The following LGALS3 variants were observed in gnomAD, a reference collection of about 807,000 sequenced individuals.
The protein encoded by LGALS3 is galectin-3.
A neutral mutation model predicts 20.7 loss-of-function variants in LGALS3; 18 were observed. The observed-to-expected ratio is 0.87, with a 90% CI of 0.60 to 1.29. LGALS3 has a LOEUF of 1.29. LGALS3 is among the 50% of genes most tolerant of loss of function. The pLI, the probability that LGALS3 is intolerant of heterozygous loss-of-function variation, is 0.00. For missense variants in LGALS3, 315 were observed against 314.7 expected (o/e 1.00, Z -0.01); for synonymous variants, 112 against 119.6 (o/e 0.94, Z 0.42).
Position 55,131,827 on chromosome 14 carries a change from A to G in LGALS3, c.-5+2527A>G, listed in dbSNP as rs1881240857. Among the ~76,000 whole-genome samples the G allele has an allele frequency of 1.3e-5, 2 of 152,204 alleles. 1 individual carries two copies. The highest frequency in any genetic ancestry group is 2.9e-5 in the Non-Finnish European group (2 of 68,016). Reference sequence around the variant, plus strand: ...CTTGATGCCAGGGAGCTATGATGAGAAAGAAATCCTAGGAAAGGACCAGTT... The same window carrying G: ...CTTGATGCCAGGGAGCTATGATGAGGAAGAAATCCTAGGAAAGGACCAGTT... On this transcript the variant is annotated intron_variant, in intron 1 of 5. Coordinates refer to ENST00000254301, the MANE Select transcript of LGALS3 (RefSeq NM_002306.4).
chr14:55,130,927 G>A (rs923695835), intron 1 of LGALS3, among the ~76,000 whole-genome samples: 1 of 152,160 alleles, frequency 6.6e-6, no homozygotes, highest in Non-Finnish European at 1.5e-5. Context: ...TCCATAAAAG[G>A]TAAAGTTGAA....
At position 55,138,261 on chromosome 14, in the gene LGALS3, T is replaced by C. The variant is rs936688057; in HGVS notation, c.235T>C (p.Tyr79His). 4 of 1,612,918 alleles carry C rather than the reference T, an allele frequency of 2.5e-6. No homozygotes were observed. The highest frequency in any genetic ancestry group is 2.7e-5 in the African/African-American group (2 of 74,902). ...AYPGAPAPGVYPGPPSGPGAY... is the reference protein window; with the variant it reads ...AYPGAPAPGVHPGPPSGPGAY... ...TCCCGGAGCACCTGCACCTGGAGTC[T>C]ACCCAGGGCCACCCAGCGGCCCTGG... The change falls in exon 3 of 6, where the codon TAC becomes CAC. Residue 79 changes from tyrosine (Y) to histidine (H), a missense_variant. Tyr to His is a moderately conservative substitution (Grantham distance 83). Coordinates refer to ENST00000254301, the MANE Select transcript of LGALS3 (RefSeq NM_002306.4).
At chr14:55,133,936 A>G (rs556476034) in intron 1 of LGALS3, among the ~76,000 whole-genome samples, 1 of 152,324 alleles carries the variant, frequency 6.6e-6, no homozygotes, top group African/African-American at 2.4e-5. Context: ...TAACAATTGA[A>G]ACTACCTTTT....
chr14:55,131,095 T>C (rs1178303667), intron 1 of LGALS3, among the ~76,000 whole-genome samples: 1 of 152,202 alleles, frequency 6.6e-6, no homozygotes, highest in African/African-American at 2.4e-5. Context: ...AGAGGTGATG[T>C]TTAAAATCAG....
rs1403954169 is a variant in LGALS3, at chr14:55,129,298, G to A, written c.-7G>A. 2 of 151,948 alleles carry A rather than the reference G, an allele frequency of 1.3e-5. No homozygotes were observed. Among genetic ancestry groups the A allele is most frequent in the African/African-American group, 2.4e-5 (1 of 41,418 alleles). 9.4% of individuals were successfully genotyped at this position (151,948 alleles called of 1,614,324 possible). A position where few individuals can be genotyped will look rare whatever the true frequency, so the allele number is the denominator to read the frequency against. Reference sequence around the variant, plus strand: ...GCAGCCGTCCGGAGCCAGCCAACGAGCGGTGAGCTGCGCGGGGCGCGGGGG... The same window carrying A: ...GCAGCCGTCCGGAGCCAGCCAACGAACGGTGAGCTGCGCGGGGCGCGGGGG... On this transcript the variant is annotated splice_region_variant and 5_prime_UTR_variant, in exon 1 of 6. Transcript: ENST00000254301. This position sits in a 1 kb window ranked among gnomAD's most constrained non-coding sequence, Gnocchi z 5.3.
chr14:55,133,521 G>A (rs917363520), intron 1 of LGALS3, among the ~76,000 whole-genome samples: 4 of 152,146 alleles, frequency 2.6e-5, no homozygotes, highest in African/African-American at 9.7e-5. Context: ...GTCCCAGGCT[G>A]GACAGTGAGA....
chr14:55,136,388 GAAGT>G (rs1369773686), intron 1 of LGALS3, among the ~76,000 whole-genome samples: 2 of 151,302 alleles, frequency 1.3e-5, no homozygotes, highest in Non-Finnish European at 2.9e-5. Flanking sequence ...TTCCTTCTTA[GAAGT>G]AAGCTTTCTG....
rs1291541873 is a variant in LGALS3, at chr14:55,129,763, A to T, written c.-5+463A>T. Among the ~76,000 whole-genome samples the T allele has an allele frequency of 6.6e-6, 1 of 152,026 alleles. No homozygotes were observed. The highest frequency in any genetic ancestry group is 1.5e-5 in the Non-Finnish European group (1 of 67,994). ...ACCAGACGGCCGCTCCAGTTTCTCT[A>T]ATTGGGGTTGGAGCCCCGTCACCCT... On this transcript the variant is annotated intron_variant, in intron 1 of 5. Coordinates refer to ENST00000254301, the MANE Select transcript of LGALS3 (RefSeq NM_002306.4). This position sits in a 1 kb window ranked among gnomAD's most constrained non-coding sequence, Gnocchi z 5.3.
At chr14:55,143,454 GCT>G in intron 5 of LGALS3, 1 of 356,620 alleles carries the variant, frequency 2.8e-6, no homozygotes, top group South Asian at 2.0e-5. Context: ...ACAGAGTCTC[GCT>G]CTGTCGCCAG....
In LGALS3 at chr14:55,138,272, A is replaced by C; in HGVS notation, c.246A>C (p.Pro82=). 3.1e-6 allele frequency: 5 copies of C among 1,612,532 alleles called. No individual in the cohort carries two copies. Among genetic ancestry groups the C allele is most frequent in the Non-Finnish European group, 4.2e-6 (5 of 1,179,576 alleles). ...CTGCACCTGGAGTCTACCCAGGGCC[A>C]CCCAGCGGCCCTGGGGCCTACCCAT... is the stretch of plus-strand genomic sequence containing the variant. ...GAPAPGVYPG[P]PSGPGAYPSS... Residue 82 remains proline (P), a synonymous_variant, in exon 3 of 6, where the codon CCA becomes CCC. Transcript: ENST00000254301.
At chr14:55,139,794 A>T (rs1881553454) in intron 3 of LGALS3, among the ~76,000 whole-genome samples, 1 of 152,246 alleles carries the variant, frequency 6.6e-6, no homozygotes, top group African/African-American at 2.4e-5. Context: ...CAGTGTTAAC[A>T]GTGTTCATTC....
rs969670375 is a variant in LGALS3, at chr14:55,129,869, G to T, written c.-5+569G>T. Among the ~76,000 whole-genome samples the T allele has an allele frequency of 6.6e-6, 1 of 152,334 alleles. No homozygotes were observed. Among genetic ancestry groups the T allele is most frequent in the Non-Finnish European group, 1.5e-5 (1 of 68,032 alleles). ...CCTCCCGGGACCCACAGCTTGGCTG[G>T]CCCGGCCCCTTTTGAGCATCAGCTG... On this transcript the variant is annotated intron_variant, in intron 1 of 5. Coordinates refer to ENST00000254301, the MANE Select transcript of LGALS3 (RefSeq NM_002306.4). The surrounding 1 kb of genome is among the most constrained non-coding windows in gnomAD (Gnocchi z 5.3).
rs570999192 is a variant in LGALS3, at chr14:55,130,159, C to T, written c.-5+859C>T. Among the ~76,000 whole-genome samples, 15 of 152,304 alleles carry T rather than the reference C, an allele frequency of 9.8e-5. No individual in the cohort carries two copies. In the East Asian group the frequency reaches 2.9e-3, roughly 29 times the overall value. On this transcript the variant is annotated intron_variant, in intron 1 of 5. Coordinates refer to ENST00000254301, the MANE Select transcript of LGALS3 (RefSeq NM_002306.4). ...TTGGTCCTAGCGTGCAGAGCCCTAC[C>T]GGGGGGCTTTCACAACATGTTTGAG... is the stretch of plus-strand genomic sequence containing the variant.
At chr14:55,137,623 A>G in intron 2 of LGALS3, 1 of 1,442,522 alleles carries the variant, frequency 6.9e-7, no homozygotes, top group Non-Finnish European at 9.1e-7. Context: ...CCTTTCACCA[A>G]AAGGCCCAGG....
rs757889773 is a variant in LGALS3 at position 55,138,162 on chromosome 14, C to T, written c.136C>T (p.Pro46Ser). The T allele has an allele frequency of 6.2e-7, 1 of 1,605,486 alleles. No homozygotes were observed. The highest frequency in any genetic ancestry group is 8.5e-7 in the Non-Finnish European group (1 of 1,176,992). Residue 46 changes from proline to serine, a missense_variant, in exon 3 of 6, where the codon CCC (proline) becomes TCC (serine). Coordinates refer to ENST00000254301, the MANE Select transcript of LGALS3 (RefSeq NM_002306.4). ...AGGGGCTTCCTATCCTGGGGCCTAC[C>T]CCGGGCAGGCACCCCCAGGGGCTTA... ...YPGASYPGAYPGQAPPGAYPG... is the reference protein window; with the variant it reads ...YPGASYPGAYSGQAPPGAYPG...
At chr14:55,131,587 C>G (rs980443024) in intron 1 of LGALS3, among the ~76,000 whole-genome samples, 5 of 152,198 alleles carry the variant, frequency 3.3e-5, no homozygotes, top group African/African-American at 1.2e-4. Context: ...GTTTGGGACA[C>G]AGGCTCCCAC....
intron 4 of LGALS3, among the ~76,000 whole-genome samples, chr14:55,140,789 A>T (rs925783256): frequency 6.6e-6 from 1 of 152,216 alleles, no homozygotes; most frequent in Non-Finnish European, 1.5e-5. Flanking sequence ...AGATTCTACA[A>T]GTTAAAAACT....
rs536980406 is a variant in LGALS3, at chr14:55,143,557, G to A, written c.597+808G>A. On this transcript the variant is annotated intron_variant, in intron 5 of 5. Coordinates refer to ENST00000254301, the MANE Select transcript of LGALS3 (RefSeq NM_002306.4). ...CTGCCTCAGCCTCCCAAGTAGCTGG[G>A]ATTATAGGCGTGCGCTACCATGCCC... The A allele has an allele frequency of 2.2e-3, 542 of 247,328 alleles. 3 individuals are homozygous for A. The highest frequency in any genetic ancestry group is 3.6e-3 in the Non-Finnish European group (433 of 121,228). The allele number at this position is 247,328 out of a possible 1,614,324, so 15.3% of individuals were successfully genotyped here.
intron 3 of LGALS3, among the ~76,000 whole-genome samples, chr14:55,138,629 AT>A (rs749232597): frequency 3.3e-5 from 5 of 152,206 alleles, no homozygotes; most frequent in Non-Finnish European, 7.3e-5. Context: ...TTTGGTTATT[AT>A]TAACACTTAC....
Sources: gnomAD v4.1 joint callset for allele counts (sites outside exome capture counted in the v4.1 genomes callset) on GRCh38, gnomAD v4.1.1 for gene constraint, Gnocchi (gnomAD v3.1) non-coding constraint, MANE v1.5 for transcripts, NCBI Gene and HGNC (gene_info 2026-07-23, HGNC 2026-07-21) for gene names.